The following NCOA1 variants were observed in gnomAD, a reference collection of about 807,000 sequenced individuals.
The protein encoded by NCOA1 is nuclear receptor coactivator 1, also known as Hin-2 protein.
A neutral mutation model predicts 150.9 loss-of-function variants in NCOA1; 35 were observed. The ratio of observed to expected loss-of-function variants is 0.23; its 90% CI spans 0.18 to 0.31. The LOEUF (loss-of-function observed/expected upper bound fraction) is 0.31, where lower values mean the gene tolerates loss of function less well. Ranked by LOEUF, NCOA1 falls within the 10% of genes least tolerant of loss-of-function variation. The pLI, the probability that NCOA1 is intolerant of heterozygous loss-of-function variation, is 1.00. For missense variants in NCOA1, 1,491 were observed against 1,749.3 expected, an observed-to-expected ratio of 0.85 and a Z score of 2.63; for synonymous variants, 590 against 630.0, an observed-to-expected ratio of 0.94 and a Z score of 0.95.
At chr2:24,575,359 ATCTT>A (rs2148291048) in intron 2 of NCOA1, among the ~76,000 whole-genome samples, 1 of 152,080 alleles carries the variant, frequency 6.6e-6, no homozygotes, top group South Asian at 2.1e-4. Context: ...ACACTTCCAT[ATCTT>A]TTTCTGCTTT....
At chr2:24,678,719 T>C (rs2148531555) in intron 7 of NCOA1, among the ~76,000 whole-genome samples, 1 of 152,350 alleles carries the variant, frequency 6.6e-6, no homozygotes, top group Middle Eastern at 3.4e-3. Flanking sequence ...ATTTGCCTGC[T>C]TTTTAATGGG....
intron 19 of NCOA1, among the ~76,000 whole-genome samples, chr2:24,744,599 T>C (rs929760606): frequency 2.0e-5 from 3 of 152,248 alleles, no homozygotes; most frequent in Non-Finnish European, 4.4e-5. Context: ...AAACAGTTTA[T>C]TGTGGCTTAA....
chr2:24,712,753 G>GA (rs1282884845), intron 14 of NCOA1, among the ~76,000 whole-genome samples: 12 of 145,860 alleles, frequency 8.2e-5, no homozygotes, highest in Admixed American at 8.2e-4. Flanking sequence ...ACAAAGAACA[G>GA]AAAAAACTCT....
intron 1 of NCOA1, among the ~76,000 whole-genome samples, chr2:24,501,584 T>G (rs899677292): frequency 2.6e-5 from 4 of 152,220 alleles, no homozygotes; most frequent in Non-Finnish European, 5.9e-5. Context: ...GTGTGCAATA[T>G]ATACAAATTA....
intron 5 of NCOA1, 76 bp from the exon 6 acceptor site, chr2:24,665,673 T>C (rs1022910346): frequency 3.6e-6 from 4 of 1,123,676 alleles, no homozygotes; most frequent in Non-Finnish European, 4.7e-6. Flanking sequence ...ACTAAATGTG[T>C]AAGCATAGAT....
At chr2:24,623,647 G>T (rs1388266001) in intron 3 of NCOA1, among the ~76,000 whole-genome samples, 3 of 152,198 alleles carry the variant, frequency 2.0e-5, no homozygotes, top group Non-Finnish European at 4.4e-5. Flanking sequence ...TTAAACAACA[G>T]AAATTTATTT....
chr2:24,769,790 G>T lies in NCOA1; in HGVS notation c.*1399G>T. On this transcript the variant is annotated 3_prime_UTR_variant, in exon 23 of 23. Transcript: ENST00000348332. ...CTAGTTCTAGAAGTTCCGCTGCAAG[G>T]CCAGGAAAGCTTGAGAAAGGTATTG... The T allele has an allele frequency of 4.5e-6, 1 of 223,038 alleles. No homozygotes were observed. The highest frequency in any genetic ancestry group is 9.0e-6 in the Non-Finnish European group (1 of 111,364). 13.8% of individuals were successfully genotyped at this position (223,038 alleles called of 1,614,324 possible).
chr2:24,687,307 T>C (rs1202420722), intron 8 of NCOA1, among the ~76,000 whole-genome samples: 1 of 152,114 alleles, frequency 6.6e-6, no homozygotes, highest in African/African-American at 2.4e-5. Flanking sequence ...GATAACCGAA[T>C]AGATCAGGAT....
intron 2 of NCOA1, among the ~76,000 whole-genome samples, chr2:24,565,976 C>T (rs1666488258): frequency 6.6e-6 from 1 of 152,166 alleles, no homozygotes; most frequent in South Asian, 2.1e-4. Context: ...CAAGGAACTC[C>T]TAGGTCTGGG....
At chr2:24,715,123 T>G (rs1348295818) in intron 14 of NCOA1, among the ~76,000 whole-genome samples, 1 of 152,012 alleles carries the variant, frequency 6.6e-6, no homozygotes, top group Non-Finnish European at 1.5e-5. Context: ...CAAACCACCC[T>G]GAGAAAATTT....
intron 1 of NCOA1, among the ~76,000 whole-genome samples, chr2:24,524,764 T>C (rs1324143643): frequency 1.3e-5 from 2 of 152,074 alleles, no homozygotes; most frequent in Non-Finnish European, 2.9e-5. Flanking sequence ...CCCACCACAA[T>C]GCCCAGCTAA....
At chr2:24,551,009 C>T (rs983349908) in intron 1 of NCOA1, among the ~76,000 whole-genome samples, 26 of 151,376 alleles carry the variant, frequency 1.7e-4, no homozygotes, top group Admixed American at 3.3e-4. Flanking sequence ...GAAGGAGAAT[C>T]GCTTGAACCT....
intron 1 of NCOA1, among the ~76,000 whole-genome samples, chr2:24,541,217 A>G (rs902902714): frequency 3.9e-5 from 6 of 152,208 alleles, no homozygotes; most frequent in Admixed American, 2.6e-4. Flanking sequence ...ATACTGTGAG[A>G]CAAAATGACC....
At chr2:24,678,591 T>G (rs1672024830) in intron 7 of NCOA1, among the ~76,000 whole-genome samples, 1 of 152,244 alleles carries the variant, frequency 6.6e-6, no homozygotes, top group Non-Finnish European at 1.5e-5. Flanking sequence ...CTGACTGGCA[T>G]GAAATGGTAT....
intron 1 of NCOA1, among the ~76,000 whole-genome samples, chr2:24,498,116 A>G (rs2148067428): frequency 6.6e-6 from 1 of 152,336 alleles, no homozygotes; most frequent in Non-Finnish European, 1.5e-5. Context: ...TGTATGTGTA[A>G]TATTGACTTT....
chr2:24,706,444 G>C, intron 12 of NCOA1, 124 bp from the exon 13 acceptor site: 2 of 1,109,258 alleles, frequency 1.8e-6, no homozygotes, highest in Non-Finnish European at 2.4e-6. Context: ...TGGTACAGAA[G>C]CTCTTTACTT....
chr2:24,752,205 C>G (rs1558340189), intron 20 of NCOA1, 49 bp downstream of exon 20: 1 of 1,572,988 alleles, frequency 6.4e-7, no homozygotes, highest in East Asian at 2.2e-5. Flanking sequence ...TGTGATAAAT[C>G]CTTGATACTG....
chr2:24,502,689 T>G (rs982117041), intron 1 of NCOA1, among the ~76,000 whole-genome samples: 1 of 152,194 alleles, frequency 6.6e-6, no homozygotes, highest in African/African-American at 2.4e-5. Flanking sequence ...TGTCAATTTT[T>G]TGTCCTCTAA....
In NCOA1 at chr2:24,741,950, C is replaced by T. The variant is rs755315788; in HGVS notation, c.3470C>T (p.Pro1157Leu). The change falls in exon 19 of 23, where the codon CCC becomes CTC. Residue 1157 changes from proline (P) to leucine (L), a missense_variant. Pro to Leu is a moderately conservative substitution (Grantham distance 98). Transcript: ENST00000348332. ...SSGLPVQMGN[P>L]RLPQGAPQQF... is the part of the protein sequence containing the mutation. Reference sequence around the variant, plus strand: ...GGACTACCAGTTCAAATGGGGAACCCCCGTCTTCCTCAGGGTGCTCCACAG... The same window carrying T: ...GGACTACCAGTTCAAATGGGGAACCTCCGTCTTCCTCAGGGTGCTCCACAG... The T allele has an allele frequency of 1.2e-6, 2 of 1,614,216 alleles. No individual in the cohort carries two copies. Among genetic ancestry groups the T allele is most frequent in the South Asian group, 2.2e-5 (2 of 91,080 alleles).
Sources: allele counts gnomAD v4.1 joint callset (sites outside exome capture counted in the v4.1 genomes callset), GRCh38; gene constraint gnomAD v4.1.1; transcripts MANE v1.5; gene names NCBI Gene and HGNC (gene_info 2026-07-23, HGNC 2026-07-21).